The following TTC14 variants were observed in gnomAD, a reference collection of about 807,000 sequenced individuals.
TTC14 encodes the protein tetratricopeptide repeat domain 14, also known as tetratricopeptide repeat protein 14.
In TTC14, 63 loss-of-function variants were observed where a neutral mutation model predicts 79.9. The ratio of observed to expected loss-of-function variants is 0.79; its 90% CI spans 0.64 to 0.97. The LOEUF (loss-of-function observed/expected upper bound fraction) is 0.97. TTC14 is among the 50% of genes least tolerant of loss of function. The pLI is 0.00. For missense variants in TTC14, 895 were observed against 894.0 expected, an observed-to-expected ratio of 1.00 and a Z score of -0.01; for synonymous variants, 335 against 309.6, an observed-to-expected ratio of 1.08 and a Z score of -0.86.
At chr3:180,614,853 G>T, downstream of TTC14, 1 of 1,396,052 alleles carries the variant, frequency 7.2e-7, no homozygotes, top group Non-Finnish European at 9.8e-7. Flanking sequence ...AATGTGTTGG[G>T]TCGTTTTGTA....
At chr3:180,609,164 A>G (rs1021258332) in intron 11 of TTC14, 2 of 653,920 alleles carry the variant, frequency 3.1e-6, no homozygotes, top group South Asian at 6.0e-5. Flanking sequence ...TTTGATTGCC[A>G]TAACTGATAG....
chr3:180,606,090 A>C, intron 7 of TTC14, 163 bp from the exon 8 acceptor site: 1 of 1,018,326 alleles, frequency 9.8e-7, no homozygotes. Flanking sequence ...TGTTGTGAAA[A>C]TGTCCAAAGG....
Position 180,602,251 on chromosome 3 carries a change from A to G in TTC14, c.-11A>G, listed in dbSNP as rs547203898. The G allele has an allele frequency of 1.9e-5, 31 of 1,613,566 alleles. No homozygotes were observed. The South Asian group carries it at 3.3e-4, about 17-fold the overall frequency. On this transcript the variant is annotated 5_prime_UTR_variant, in exon 1 of 12. Transcript: ENST00000296015. ...CAGCCCGTCGGCCTCCGGGCCCTGC[A>G]TTCTCTAGCCATGGACCGGGACCTT...
chr3:180,608,174 G>A (rs1381099536), intron 10 of TTC14: 1 of 999,144 alleles, frequency 1.0e-6, no homozygotes, highest in Non-Finnish European at 1.2e-6. Context: ...TTGCTGCTGT[G>A]TCTGTGACAT....
intron 6 of TTC14, 101 bp downstream of exon 6, chr3:180,605,108 A>G (rs1197399651): frequency 1.7e-6 from 2 of 1,182,922 alleles, no homozygotes; most frequent in African/African-American, 1.5e-5. Flanking sequence ...TAAGCCACCT[A>G]GTAGCAGGCA....
downstream of TTC14, among the ~76,000 whole-genome samples, chr3:180,612,703 C>T (rs548997047): frequency 6.6e-6 from 1 of 152,314 alleles, no homozygotes; most frequent in South Asian, 2.1e-4. Context: ...TGCCACTGCA[C>T]TCCAACTTGG....
At chr3:180,605,412 A>C (rs1164789114) in intron 6 of TTC14, 1 of 213,086 alleles carries the variant, frequency 4.7e-6, no homozygotes, top group Non-Finnish European at 9.3e-6. Flanking sequence ...AGTAGCTGGG[A>C]CTACAGGTGC....
At chr3:180,602,718 C>T (rs895315282) in intron 1 of TTC14, 173 bp from the exon 2 acceptor site, 3 of 802,416 alleles carry the variant, frequency 3.7e-6, no homozygotes, top group Non-Finnish European at 5.6e-6. Context: ...TCCCCGCTCT[C>T]CACCTCCAGG....
intron 6 of TTC14, 41 bp from the exon 7 acceptor site, chr3:180,605,724 AT>A (rs1368164668): frequency 1.7e-5 from 25 of 1,463,528 alleles, no homozygotes; most frequent in Admixed American, 2.2e-5. Context: ...TACTTAAAAA[AT>A]ATTTGTGGTT....
chr3:180,610,766 A>G lies in TTC14; in HGVS notation c.*224A>G, dbSNP rs955936166. On this transcript the variant is annotated 3_prime_UTR_variant, in exon 12 of 12. Transcript: ENST00000296015. ...TTTTATGTATATGTTTATGTACAGT[A>G]TATTACTCTTGACAGTTTGAATTTC... 130 of 1,140,160 alleles carry G rather than the reference A, an allele frequency of 1.1e-4. No individual in the cohort carries two copies. Among genetic ancestry groups the G allele is most frequent in the Middle Eastern group, 7.5e-4 (2 of 2,678 alleles). 70.6% of individuals were successfully genotyped at this position (1,140,160 alleles called of 1,614,324 possible). A position where few individuals can be genotyped will look rare whatever the true frequency, so the allele number is the denominator to read the frequency against.
intron 1 of TTC14, 175 bp downstream of exon 1, chr3:180,602,597 C>T: frequency 3.5e-6 from 3 of 868,858 alleles, no homozygotes; most frequent in Non-Finnish European, 5.1e-6. Context: ...TTGTGCAATG[C>T]GGGATGCGGG....
intron 7 of TTC14, 54 bp downstream of exon 7, chr3:180,605,891 C>A: frequency 2.6e-6 from 4 of 1,517,412 alleles, no homozygotes; most frequent in Non-Finnish European, 3.6e-6. Context: ...AAGCTTAGGG[C>A]AAGGCAAGCA....
In TTC14 at chr3:180,602,192, C is replaced by G. The variant is rs756675796; in HGVS notation, c.-70C>G. The G allele has an allele frequency of 4.4e-5, 69 of 1,572,064 alleles. No homozygotes were observed. Among genetic ancestry groups the G allele is most frequent in the Non-Finnish European group, 5.6e-5 (65 of 1,157,348 alleles). ...AGTTTCTTCCGCTTCCTGTACCACC[C>G]GGCTCAAGTAGCGGACACGGAACAG... On this transcript the variant is annotated 5_prime_UTR_variant, in exon 1 of 12. Coordinates refer to ENST00000296015, the MANE Select transcript of TTC14 (RefSeq NM_133462.4).
chr3:180,602,592 C>T, intron 1 of TTC14, 170 bp downstream of exon 1: 2 of 915,948 alleles, frequency 2.2e-6, no homozygotes, highest in South Asian at 1.8e-5. Flanking sequence ...CTGGGTTGTG[C>T]AATGCGGGAT....
At chr3:180,611,353 G>T (rs1342354803), downstream of TTC14, among the ~76,000 whole-genome samples, 1 of 152,210 alleles carries the variant, frequency 6.6e-6, no homozygotes, top group African/African-American at 2.4e-5. Flanking sequence ...TAGCAGAGAA[G>T]CACATTGTAA....
rs201097154 is a variant in TTC14 at position 180,616,545 on chromosome 3, G to A, written c.1775-835G>A. 2.3e-4 allele frequency: 371 copies of A among 1,584,308 alleles called. 1 individual carries two copies. Among genetic ancestry groups the A allele is most frequent in the Non-Finnish European group, 2.6e-4 (308 of 1,165,206 alleles). On this transcript the variant is annotated intron_variant, in intron 12 of 12. Transcript: ENST00000382584. ...TGAAAGTATGTTTGAAGGATAATAC[G>A]GATCTCAGTATTTTCTTCTATGATA...
In TTC14 at chr3:180,609,768, T is replaced by A. The variant is rs759935564; in HGVS notation, c.1539T>A (p.Ser513=). The A allele has an allele frequency of 1.5e-5, 24 of 1,613,892 alleles. No individual in the cohort carries two copies. The African/African-American group carries it at 3.2e-4, about 22-fold the overall frequency. ...KKHKRNRSES[S]RSSRRHSSRA... ...ATAAGAGGAACCGTTCAGAGTCTTC[T>A]CGCAGTTCCAGAAGGCATTCATCTA... Residue 513 remains serine (S), a synonymous_variant, in exon 12 of 12, where the codon TCT becomes TCA. Transcript: ENST00000296015.
downstream of TTC14, among the ~76,000 whole-genome samples, chr3:180,615,400 G>A (rs1283797845): frequency 1.3e-5 from 2 of 152,054 alleles, no homozygotes. Context: ...GAGGAAATAG[G>A]GCCAAGAGGA....
rs138708057 is a variant in TTC14, at chr3:180,610,293, C to G, written c.2064C>G (p.Tyr688Ter). 3.1e-6 allele frequency: 5 copies of G among 1,613,508 alleles called. No individual in the cohort carries two copies. Among genetic ancestry groups the G allele is most frequent in the Admixed American group, 1.7e-5 (1 of 59,912 alleles). Residue 688 changes from tyrosine (Y) to a stop codon, truncating the protein, a stop_gained, in exon 12 of 12, where the codon TAC (tyrosine) becomes TAG (stop). Transcript: ENST00000296015. LOFTEE classifies it high-confidence loss of function. ...AGTCAGTTGAGAAATACAAAAAATA[C>G]GCTCACTCTGGATCACGTGATTTCA... ...SWKSVEKYKK[Y>*]AHSGSRDFSR...
Sources: gnomAD v4.1 joint callset for allele counts (sites outside exome capture counted in the v4.1 genomes callset) on GRCh38, gnomAD v4.1.1 for gene constraint, MANE v1.5 for transcripts, NCBI Gene and HGNC (gene_info 2026-07-23, HGNC 2026-07-21) for gene names.